The following RORA variants were observed in gnomAD, a reference collection of about 807,000 sequenced individuals.
RORA encodes the protein nuclear receptor ROR-alpha.
In RORA, 7 loss-of-function variants were observed where a neutral mutation model predicts 69.5. That is an observed-to-expected ratio of 0.10 (90% CI 0.06 to 0.19). The LOEUF is 0.19. RORA is among the 10% of genes least tolerant of loss of function. The probability of loss-of-function intolerance (pLI) is 1.00; values close to 1 mark genes in which losing one functional copy is unlikely to be tolerated. For synonymous variants in RORA, 261 were observed against 240.8 expected, an observed-to-expected ratio of 1.08 and a Z score of -0.78; for missense variants, 457 against 663.0, an observed-to-expected ratio of 0.69 and a Z score of 3.41.
intron 1 of RORA, among the ~76,000 whole-genome samples, chr15:60,903,200 A>T (rs911226717): frequency 6.6e-6 from 1 of 152,180 alleles, no homozygotes; most frequent in Non-Finnish European, 1.5e-5. Context: ...CCAGGAGAAG[A>T]CAATGTAGAC....
chr15:60,779,489 T>G (rs2072223434), intron 1 of RORA, among the ~76,000 whole-genome samples: 1 of 152,198 alleles, frequency 6.6e-6, no homozygotes, highest in Admixed American at 6.5e-5. Context: ...CAATCCAGGC[T>G]GCTCACTGCA....
intron 2 of RORA, among the ~76,000 whole-genome samples, chr15:60,580,113 T>C (rs2068150036): frequency 6.6e-6 from 1 of 152,260 alleles, no homozygotes; most frequent in African/African-American, 2.4e-5. Flanking sequence ...TGGTTAATTT[T>C]ATTTTCAATG....
intron 1 of RORA, among the ~76,000 whole-genome samples, chr15:60,890,385 A>G (rs2073800261): frequency 6.6e-6 from 1 of 152,242 alleles, no homozygotes. Context: ...ACAAATTTTA[A>G]ATAAGGAAGA....
chr15:60,755,446 C>T (rs532459719), intron 1 of RORA, among the ~76,000 whole-genome samples: 4 of 152,092 alleles, frequency 2.6e-5, no homozygotes, highest in Admixed American at 6.5e-5. Context: ...AATAAACATA[C>T]GTGTGCATGT....
chr15:60,978,961 C>CTTTTTT (rs543353825), intron 1 of RORA, among the ~76,000 whole-genome samples: 2,782 of 94,980 alleles, frequency 0.029, 274 homozygotes, highest in Middle Eastern at 0.053. Context: ...CAACTTTGCT[C>CTTTTTT]TTTTTTTTTT....
At chr15:61,192,841 A>G (rs1170211111) in intron 1 of RORA, among the ~76,000 whole-genome samples, 1 of 152,198 alleles carries the variant, frequency 6.6e-6, no homozygotes, top group Non-Finnish European at 1.5e-5. Flanking sequence ...TACATTTTCT[A>G]ATCTGTGAAA....
At chr15:61,157,517 T>C (rs1323025328) in intron 1 of RORA, among the ~76,000 whole-genome samples, 4 of 152,136 alleles carry the variant, frequency 2.6e-5, no homozygotes, top group Non-Finnish European at 5.9e-5. Context: ...ACAGATACAA[T>C]ATATTTGATC....
chr15:61,020,997 A>G (rs1205852917), intron 1 of RORA, among the ~76,000 whole-genome samples: 1 of 152,236 alleles, frequency 6.6e-6, no homozygotes, highest in African/African-American at 2.4e-5. Context: ...TTCTGGGGGC[A>G]GATGGCTTTG....
chr15:61,213,142 C>T lies in RORA; in HGVS notation c.166+15911G>A, dbSNP rs971714751. Among the ~76,000 whole-genome samples, 2 of 152,092 alleles carry T rather than the reference C, an allele frequency of 1.3e-5. No homozygotes were observed. The highest frequency in any genetic ancestry group is 3.2e-3 in the Middle Eastern group (1 of 316). On this transcript the variant is annotated intron_variant, in intron 1 of 10. Transcript: ENST00000335670. The surrounding 1 kb of genome is among the most constrained non-coding windows in gnomAD (Gnocchi z 4.1). Reference sequence around the variant, plus strand: ...CCTCTTCACACTCTACTCCACTACACTGTCCCAGCCAATAATCCCGGCCCA... The same window carrying T: ...CCTCTTCACACTCTACTCCACTACATTGTCCCAGCCAATAATCCCGGCCCA...
chr15:60,828,548 C>G (rs1448945774), intron 1 of RORA, among the ~76,000 whole-genome samples: 1 of 152,126 alleles, frequency 6.6e-6, no homozygotes, highest in Non-Finnish European at 1.5e-5. Flanking sequence ...AGAGGACACA[C>G]CCTCTGAAAG....
intron 1 of RORA, among the ~76,000 whole-genome samples, chr15:60,710,862 A>AG (rs2071133218): frequency 6.6e-6 from 1 of 152,144 alleles, no homozygotes; most frequent in African/African-American, 2.4e-5. Context: ...GCAAACCTCC[A>AG]ATCCTCTATG....
At position 60,624,471 on chromosome 15, in the gene RORA, C is replaced by CATATATATATATATATATATATATAT. The variant is rs3053858; in HGVS notation, c.196+54160_196+54185dup. On this transcript the variant is annotated intron_variant, in intron 2 of 10. Coordinates refer to ENST00000335670, the MANE Select transcript of RORA (RefSeq NM_134261.3). ...GGAAGAGGTCCTCTTCCATTTGCTG[C>CATATATATATATATATATATATATAT]ATATATATATATATATATATATATA... Among the ~76,000 whole-genome samples the CATATATATATATATATATATATATAT allele has an allele frequency of 2.9e-4, 21 of 73,536 alleles. 1 individual carries two copies. Among genetic ancestry groups the CATATATATATATATATATATATATAT allele is most frequent in the East Asian group, 4.6e-4 (1 of 2,182 alleles). 48.2% of individuals were successfully genotyped at this position (73,536 alleles called of 152,430 possible). A position where few individuals can be genotyped will look rare whatever the true frequency, so the allele number is the denominator to read the frequency against.
chr15:60,597,557 T>C (rs1424093151), intron 2 of RORA, among the ~76,000 whole-genome samples: 92 of 26,844 alleles, frequency 3.4e-3, no homozygotes, highest in African/African-American at 7.4e-3. Context: ...ACAACATATA[T>C]ATATATATAT....
intron 1 of RORA, among the ~76,000 whole-genome samples, chr15:60,826,503 A>G (rs1308847081): frequency 6.6e-6 from 1 of 152,194 alleles, no homozygotes; most frequent in African/African-American, 2.4e-5. Context: ...GGCCATTGCA[A>G]TGCTGAGTCC....
In RORA at chr15:60,638,247, C is replaced by T. The variant is rs552029003; in HGVS notation, c.196+40410G>A. ...AAAAAATGAGAGAAGGCCTGAATTA[C>T]GACAGTCCTGGTGGGGTTCTACAAG... On this transcript the variant is annotated intron_variant, in intron 2 of 10. Transcript: ENST00000335670. 5.3e-4 allele frequency among the ~76,000 whole-genome samples: 81 copies of T among 152,230 alleles called. 1 individual carries two copies. In the South Asian group the frequency reaches 5.6e-3, roughly 11 times the overall value.
At chr15:60,919,202 A>G (rs1387339979) in intron 1 of RORA, among the ~76,000 whole-genome samples, 1 of 152,120 alleles carries the variant, frequency 6.6e-6, no homozygotes, top group Non-Finnish European at 1.5e-5. Flanking sequence ...CTTGCTATTG[A>G]TTCTCACTGG....
chr15:60,558,507 G>C (rs2067437361), intron 2 of RORA: 7 of 475,594 alleles, frequency 1.5e-5, no homozygotes, highest in Non-Finnish European at 2.6e-5. Context: ...ACTAAGACTG[G>C]ATTGTGGTTA....
At chr15:60,558,551 T>C (rs749721458) in intron 2 of RORA, 3 of 413,346 alleles carry the variant, frequency 7.3e-6, no homozygotes, top group South Asian at 4.0e-5. Context: ...TGAATTTTAA[T>C]AGTAATTTCG....
At chr15:61,119,138 C>T (rs2079078829) in intron 1 of RORA, among the ~76,000 whole-genome samples, 1 of 151,222 alleles carries the variant, frequency 6.6e-6, no homozygotes, top group Admixed American at 6.6e-5. Flanking sequence ...AACAAGCACT[C>T]AGCTTATCCA....
Sources: gnomAD v4.1 joint callset for allele counts (sites outside exome capture counted in the v4.1 genomes callset) on GRCh38, gnomAD v4.1.1 for gene constraint, Gnocchi (gnomAD v3.1) non-coding constraint, MANE v1.5 for transcripts, NCBI Gene and HGNC (gene_info 2026-07-23, HGNC 2026-07-21) for gene names.